TMEM59: variants seen among roughly 807,000 people sequenced by gnomAD.
The protein encoded by TMEM59 is transmembrane protein 59, also known as dendritic cell factor 1.
In TMEM59, 44 loss-of-function variants were observed where a neutral mutation model predicts 42.2. That is an observed-to-expected ratio of 1.04 (90% confidence interval 0.82 to 1.34). The LOEUF (loss-of-function observed/expected upper bound fraction) is 1.34, where lower values mean the gene tolerates loss of function less well. Ranked by LOEUF, TMEM59 falls within the 40% of genes most tolerant of loss-of-function variation. The pLI is 0.00. For synonymous variants in TMEM59, 148 were observed against 145.8 expected, an observed-to-expected ratio of 1.02 and a Z score of -0.11; for missense variants, 359 against 382.8, an observed-to-expected ratio of 0.94 and a Z score of 0.52.
chr1:54,032,717 CA>C (rs1656805490), intron 7 of TMEM59, among the ~76,000 whole-genome samples: 1 of 152,176 alleles, frequency 6.6e-6, no homozygotes, highest in African/African-American at 2.4e-5. Context: ...AAAGAATATG[CA>C]TGAAATGCTC....
intron 2 of TMEM59, 140 bp from the exon 3 acceptor site, chr1:54,045,926 T>C: frequency 1.6e-6 from 1 of 639,896 alleles, no homozygotes; most frequent in Non-Finnish European, 2.6e-6. Flanking sequence ...GGTAATATAG[T>C]AGTAGGAAAT....
chr1:54,040,885 C>G (rs1305750664), intron 5 of TMEM59, 48 bp from the exon 6 acceptor site: 8 of 1,481,316 alleles, frequency 5.4e-6, no homozygotes, highest in South Asian at 4.5e-5. Context: ...ATTCCAAAAG[C>G]TAGTCTCACA....
intron 7 of TMEM59, chr1:54,033,098 T>C: frequency 6.6e-6 from 1 of 152,024 alleles, no homozygotes; most frequent in Non-Finnish European, 1.5e-5. Context: ...CAGCTAATTT[T>C]TCTTTTTTCT....
intron 7 of TMEM59, chr1:54,033,577 G>A (rs141658852): frequency 7.4e-5 from 11 of 147,800 alleles, no homozygotes; most frequent in South Asian, 2.2e-4. Context: ...CCTCCAGCCT[G>A]GGGGACAGAG....
At chr1:54,040,568 G>A (rs989690232) in intron 6 of TMEM59, among the ~76,000 whole-genome samples, 188 bp downstream of exon 6, 1 of 152,236 alleles carries the variant, frequency 6.6e-6, no homozygotes, top group African/African-American at 2.4e-5. Flanking sequence ...CTACCTGCCT[G>A]GGTTTTATTC....
At chr1:54,036,538 A>G in intron 7 of TMEM59, 72 bp downstream of exon 7, 1 of 1,158,262 alleles carries the variant, frequency 8.6e-7, no homozygotes. Context: ...TTGTTTTTCC[A>G]GCTAAACAAA....
intron 1 of TMEM59, 78 bp from the exon 2 acceptor site, chr1:54,047,450 A>G (rs947227546): frequency 1.2e-4 from 140 of 1,155,764 alleles, no homozygotes; most frequent in Non-Finnish European, 3.8e-5. Flanking sequence ...TTAGGAAGAA[A>G]GCAGTTAGTA....
chr1:54,048,757 A>G, intron 1 of TMEM59: 1 of 350,804 alleles, frequency 2.9e-6, no homozygotes, highest in Non-Finnish European at 6.0e-6. Context: ...TTTCCAGCAA[A>G]AGGATTAGTA....
Position 54,028,770 on chromosome 1 carries a change from C to T in TMEM59, c.*3380G>A, listed in dbSNP as rs891523073. 1 of 152,196 alleles carries T rather than the reference C, an allele frequency of 6.6e-6. No homozygotes were observed. Among genetic ancestry groups the T allele is most frequent in the African/African-American group, 2.4e-5 (1 of 41,438 alleles). 9.4% of individuals were successfully genotyped at this position (152,196 alleles called of 1,614,324 possible). A position where few individuals can be genotyped will look rare whatever the true frequency, so the allele number is the denominator to read the frequency against. On this transcript the variant is annotated 3_prime_UTR_variant, in exon 8 of 8. Transcript: ENST00000234831. Reference sequence around the variant, plus strand: ...CTCTGTGCTTGGTCATAGCACTTATCACATTAATAATAGTCTCCTTCAGAG... The same window carrying T: ...CTCTGTGCTTGGTCATAGCACTTATTACATTAATAATAGTCTCCTTCAGAG...
At chr1:54,045,538 A>G (rs1370080604) in intron 3 of TMEM59, 154 bp downstream of exon 3, 1 of 637,396 alleles carries the variant, frequency 1.6e-6, no homozygotes, top group Non-Finnish European at 2.8e-6. Flanking sequence ...GCAATTATTC[A>G]ACTGACTTTT....
In TMEM59 at chr1:54,032,172, T is replaced by C. The variant is rs776250281; in HGVS notation, c.950A>G (p.Asn317Ser). The C allele has an allele frequency of 1.2e-6, 2 of 1,609,982 alleles. No homozygotes were observed. Among genetic ancestry groups the C allele is most frequent in the Admixed American group, 3.4e-5 (2 of 59,190 alleles). ...TGCTTAAATTTCAGAATGAGCAAGA[T>C]TCACTTTTGTAGGTAGAGGCCCTGC... ...EEAGPLPTKV[N>S]LAHSEI Residue 317 changes from asparagine to serine, a missense_variant, in exon 8 of 8, where the codon AAT becomes AGT. By Grantham distance (46) the Asn-to-Ser change is conservative. Coordinates refer to ENST00000234831, the MANE Select transcript of TMEM59 (RefSeq NM_004872.5).
chr1:54,032,118 T>C lies in TMEM59; in HGVS notation c.*32A>G, dbSNP rs1656781496. 6.4e-7 allele frequency: 1 copy of C among 1,571,122 alleles called. No individual in the cohort carries two copies. Among genetic ancestry groups the C allele is most frequent in the African/African-American group, 1.4e-5 (1 of 73,470 alleles). ...TCTATGAGGAGTGGAATTTTAGATG[T>C]CTATTACACTTGTCTTTTAAAAGAA... On this transcript the variant is annotated 3_prime_UTR_variant, in exon 8 of 8. Transcript: ENST00000234831.
chr1:54,041,912 A>G, intron 4 of TMEM59, 107 bp from the exon 5 acceptor site: 1 of 830,586 alleles, frequency 1.2e-6, no homozygotes, highest in South Asian at 1.7e-5. Context: ...GAGAAAAAGT[A>G]GCAGAAATAC....
Position 54,040,852 on chromosome 1 carries a change from AGTAT to A in TMEM59, c.626-19_626-16del, listed in dbSNP as rs1236201560. ...CATTTGCAGATCTGCTGAAATAGTAAGTATGAGTTTATTATATCCTATATTCCAA... is the reference window on the plus strand; with the variant it reads ...CATTTGCAGATCTGCTGAAATAGTAAGAGTTTATTATATCCTATATTCCAA... On this transcript the variant is annotated splice_polypyrimidine_tract_variant and intron_variant, in intron 5 of 7. Coordinates refer to ENST00000234831, the MANE Select transcript of TMEM59 (RefSeq NM_004872.5). 1.2e-6 allele frequency: 2 copies of A among 1,608,672 alleles called. No individual in the cohort carries two copies. The highest frequency in any genetic ancestry group is 2.7e-5 in the African/African-American group (2 of 74,792).
Position 54,041,769 on chromosome 1 carries a change from G to C in TMEM59, c.580C>G (p.Gln194Glu). The change falls in exon 5 of 8, where the codon CAG becomes GAG. Residue 194 changes from glutamine (Q) to glutamate (E), a missense_variant. Transcript: ENST00000234831. ...PEIQYAPHLE[Q>E]EPTNLRESSL... ...GATTCTCTCAAATTTGTAGGCTCCT[G>C]CTCCAAATGTGGTGCGTACTGGATT... The C allele has an allele frequency of 6.2e-7, 1 of 1,613,590 alleles. No individual in the cohort carries two copies. Among genetic ancestry groups the C allele is most frequent in the Non-Finnish European group, 8.5e-7 (1 of 1,179,728 alleles).
chr1:54,040,138 TCAAA>T (rs1657087668), intron 6 of TMEM59, among the ~76,000 whole-genome samples: 2 of 152,126 alleles, frequency 1.3e-5, no homozygotes, highest in Admixed American at 6.5e-5. Flanking sequence ...CCTAAACCAT[TCAAA>T]CATACTTATT....
At position 54,052,975 on chromosome 1, in the gene TMEM59, G is replaced by T. The variant is rs767779524; in HGVS notation, c.189+25C>A. ...AGAAATGGGCTGCAAGGGAAGGGTCGCAGCCCGCTCCGGACGGGCCCTACC... is the reference window on the plus strand; with the variant it reads ...AGAAATGGGCTGCAAGGGAAGGGTCTCAGCCCGCTCCGGACGGGCCCTACC... On this transcript the variant is annotated intron_variant, in intron 1 of 7. Transcript: ENST00000234831. 3 of 1,594,158 alleles carry T rather than the reference G, an allele frequency of 1.9e-6. No individual in the cohort carries two copies. In the East Asian group the frequency reaches 6.8e-5, roughly 36 times the overall value.
chr1:54,044,717 C>CA (rs1317906416), intron 3 of TMEM59: 2 of 151,904 alleles, frequency 1.3e-5, no homozygotes, highest in Admixed American at 6.6e-5. Context: ...CAGGTATACT[C>CA]ACAAATGTGC....
At position 54,041,759 on chromosome 1, in the gene TMEM59, G is replaced by A. The variant is rs752188113; in HGVS notation, c.590C>T (p.Thr197Ile). Residue 197 changes from threonine (T) to isoleucine (I), a missense_variant, in exon 5 of 8, where the codon ACA becomes ATA. Thr to Ile is a moderately conservative substitution (Grantham distance 89). Transcript: ENST00000234831. ...GCTTAGAGATGATTCTCTCAAATTT[G>A]TAGGCTCCTGCTCCAAATGTGGTGC... The part of the protein sequence containing the change: ...QYAPHLEQEP[T>I]NLRESSLSKM... 7 of 1,613,486 alleles carry A rather than the reference G, an allele frequency of 4.3e-6. No individual in the cohort carries two copies. The highest frequency in any genetic ancestry group is 5.9e-6 in the Non-Finnish European group (7 of 1,179,740).
Sources: allele counts gnomAD v4.1 joint callset (sites outside exome capture counted in the v4.1 genomes callset), GRCh38; gene constraint gnomAD v4.1.1; transcripts MANE v1.5; gene names NCBI Gene and HGNC (gene_info 2026-07-23, HGNC 2026-07-21).